Variants in THSD7B observed in about 807,000 individuals in gnomAD.
The protein encoded by THSD7B is thrombospondin type 1 domain containing 7B.
THSD7B carries 138 observed loss-of-function variants against 213.6 expected under a neutral mutation model. The ratio of observed to expected loss-of-function variants is 0.65; its 90% CI spans 0.56 to 0.74. THSD7B has a LOEUF of 0.74. Ranked by LOEUF, THSD7B falls within the 30% of genes least tolerant of loss-of-function variation. THSD7B has a pLI of 0.00. For synonymous variants in THSD7B, 742 were observed against 687.0 expected (o/e 1.08, Z -1.25); for missense variants, 1,931 against 1,991.5 (o/e 0.97, Z 0.58).
At chr2:136,894,618 T>C (rs1683922084) in intron 2 of THSD7B, among the ~76,000 whole-genome samples, 1 of 152,104 alleles carries the variant, frequency 6.6e-6, no homozygotes, top group Non-Finnish European at 1.5e-5. Flanking sequence ...AGCATGTAAC[T>C]AATGCTACTT....
At chr2:137,023,815 T>C (rs1388991241) in intron 2 of THSD7B, among the ~76,000 whole-genome samples, 1 of 152,168 alleles carries the variant, frequency 6.6e-6, no homozygotes, top group Non-Finnish European at 1.5e-5. Context: ...GTGACATTTT[T>C]TCCCTGTGGG....
At chr2:137,181,109 A>G (rs943069680) in intron 7 of THSD7B, among the ~76,000 whole-genome samples, 2 of 152,208 alleles carry the variant, frequency 1.3e-5, no homozygotes, top group South Asian at 2.1e-4. Flanking sequence ...TGCAACTGTA[A>G]TTCTAATCTT....
At chr2:136,935,093 C>T (rs999101002) in intron 2 of THSD7B, among the ~76,000 whole-genome samples, 2 of 152,090 alleles carry the variant, frequency 1.3e-5, no homozygotes, top group Non-Finnish European at 2.9e-5. Flanking sequence ...GATTCAAAGG[C>T]AATTAGAGGT....
chr2:137,518,331 G>A (rs188338401), intron 15 of THSD7B, among the ~76,000 whole-genome samples: 23 of 152,322 alleles, frequency 1.5e-4, no homozygotes, highest in Admixed American at 1.0e-3. Flanking sequence ...CTGAAGGACA[G>A]TGGTGAAGGG....
chr2:137,578,184 C>A (rs1453011761), intron 17 of THSD7B, among the ~76,000 whole-genome samples: 1 of 152,100 alleles, frequency 6.6e-6, no homozygotes, highest in Non-Finnish European at 1.5e-5. Flanking sequence ...CCAAGGAGAC[C>A]ATGGTGAGGA....
chr2:137,272,806 C>A, intron 11 of THSD7B, 144 bp downstream of exon 11: 1 of 939,732 alleles, frequency 1.1e-6, no homozygotes, highest in Admixed American at 3.0e-5. Context: ...AATATTCTTA[C>A]CCTCTTATCT....
chr2:137,497,474 G>A (rs944687295), intron 15 of THSD7B, among the ~76,000 whole-genome samples: 1 of 151,882 alleles, frequency 6.6e-6, no homozygotes, highest in Admixed American at 6.6e-5. Flanking sequence ...TCCCTGCCTT[G>A]TTTTGAGACT....
chr2:137,231,567 C>A (rs1681640435), intron 8 of THSD7B, among the ~76,000 whole-genome samples: 1 of 139,872 alleles, frequency 7.1e-6, no homozygotes, highest in Non-Finnish European at 1.6e-5. Flanking sequence ...ATAGCTTGTG[C>A]AGTTGGGAAC....
intron 17 of THSD7B, among the ~76,000 whole-genome samples, chr2:137,599,545 A>C: frequency 6.6e-6 from 1 of 151,588 alleles, no homozygotes; most frequent in Non-Finnish European, 1.5e-5. Flanking sequence ...GTGGGACTGT[A>C]AACTAGTTCA....
Position 137,530,818 on chromosome 2 carries a change from G to A in THSD7B, c.3139-32403G>A, listed in dbSNP as rs368602290. On this transcript the variant is annotated intron_variant, in intron 15 of 27. Coordinates refer to ENST00000409968, the MANE Select transcript of THSD7B (RefSeq NM_001316349.2). ...GTGTAGTACCTCTTACTAGAATTGT[G>A]ATAAGTGACAAGGCTTGACTTCACA... Among the ~76,000 whole-genome samples, 10 of 152,144 alleles carry A rather than the reference G, an allele frequency of 6.6e-5. No homozygotes were observed. The East Asian group carries it at 1.9e-3, about 30-fold the overall frequency.
intron 12 of THSD7B, among the ~76,000 whole-genome samples, chr2:137,283,417 C>G (rs1306007881): frequency 6.6e-6 from 1 of 152,052 alleles, no homozygotes; most frequent in Admixed American, 6.6e-5. Context: ...TTGCCCTGGC[C>G]AGAACTTCCA....
chr2:137,064,845 A>G (rs1687346531), intron 3 of THSD7B, among the ~76,000 whole-genome samples: 3 of 151,300 alleles, frequency 2.0e-5, no homozygotes, highest in African/African-American at 7.3e-5. Flanking sequence ...TGGGTTCTCT[A>G]CTCTGTTCCA....
chr2:137,094,446 C>A (rs372251379), intron 3 of THSD7B, among the ~76,000 whole-genome samples: 1 of 152,046 alleles, frequency 6.6e-6, no homozygotes, highest in African/African-American at 2.4e-5. Flanking sequence ...TGGTGTGTTT[C>A]TGTAGTCTCA....
chr2:136,986,826 G>T (rs1685682294), intron 2 of THSD7B, among the ~76,000 whole-genome samples: 1 of 152,166 alleles, frequency 6.6e-6, no homozygotes. Context: ...CTGTCACTCT[G>T]TCAGCTCCCA....
chr2:137,085,709 G>A (rs1160226209), intron 3 of THSD7B, among the ~76,000 whole-genome samples: 1 of 151,982 alleles, frequency 6.6e-6, no homozygotes, highest in African/African-American at 2.4e-5. Context: ...ATGAATTGAT[G>A]ACCTAAATAT....
chr2:137,598,739 AC>A (rs1682014519), intron 17 of THSD7B, among the ~76,000 whole-genome samples: 1 of 152,106 alleles, frequency 6.6e-6, no homozygotes, highest in Non-Finnish European at 1.5e-5. Flanking sequence ...AGATTACTAT[AC>A]TCTATCTAGG....
intron 2 of THSD7B, among the ~76,000 whole-genome samples, chr2:136,976,079 C>T (rs914643283): frequency 5.3e-5 from 8 of 152,062 alleles, no homozygotes; most frequent in African/African-American, 1.9e-4. Context: ...GCTAAAGGAG[C>T]TGAGACGATG....
chr2:137,290,122 T>G (rs1046561262), intron 12 of THSD7B, among the ~76,000 whole-genome samples: 1 of 150,916 alleles, frequency 6.6e-6, no homozygotes, highest in Non-Finnish European at 1.5e-5. Flanking sequence ...TTTTTTTTTT[T>G]TTTTTTTTAG....
chr2:137,563,069 A>T, intron 15 of THSD7B, 152 bp from the exon 16 acceptor site: 1 of 750,892 alleles, frequency 1.3e-6, no homozygotes, highest in Non-Finnish European at 2.0e-6. Context: ...AGAGAAGCCA[A>T]ATCTATCTTG....
Sources: allele counts gnomAD v4.1 joint callset (sites outside exome capture counted in the v4.1 genomes callset), GRCh38; gene constraint gnomAD v4.1.1; transcripts MANE v1.5; gene names NCBI Gene and HGNC (gene_info 2026-07-23, HGNC 2026-07-21).